Variants in KDM4C observed in about 807,000 individuals in gnomAD.
KDM4C encodes the protein lysine-specific demethylase 4C.
A neutral mutation model predicts 129.3 loss-of-function variants in KDM4C; 81 were observed. The ratio of observed to expected loss-of-function variants is 0.63; its 90% CI spans 0.52 to 0.75. The LOEUF is 0.75. Among genes scored for constraint, KDM4C ranks in the 30% least tolerant of loss-of-function variants. KDM4C has a pLI of 0.00. For synonymous variants in KDM4C, 573 were observed against 456.1 expected (o/e 1.26, Z -3.26); for missense variants, 1,457 against 1,304.0 (o/e 1.12, Z -1.81).
intron 8 of KDM4C, among the ~76,000 whole-genome samples, chr9:6,920,267 G>T (rs985646561): frequency 1.4e-4 from 22 of 152,076 alleles, no homozygotes; most frequent in African/African-American, 5.1e-4. Flanking sequence ...GTCCCATGGG[G>T]TCAGTCTGAA....
intron 5 of KDM4C, among the ~76,000 whole-genome samples, chr9:6,863,789 A>G (rs1338029686): frequency 6.0e-5 from 8 of 133,786 alleles, no homozygotes; most frequent in Non-Finnish European, 9.5e-5. Flanking sequence ...GCGAGACTCC[A>G]TCTCAAAAAA....
chr9:6,829,634 A>G (rs1183168371), intron 4 of KDM4C, among the ~76,000 whole-genome samples: 2 of 152,126 alleles, frequency 1.3e-5, no homozygotes, highest in Admixed American at 1.3e-4. Flanking sequence ...CCCCTTTCCT[A>G]TTCTGTCTCT....
intron 8 of KDM4C, among the ~76,000 whole-genome samples, chr9:6,916,299 A>T (rs1820301666): frequency 6.6e-6 from 1 of 151,984 alleles, no homozygotes; most frequent in Non-Finnish European, 1.5e-5. Context: ...GAGGTTCAAT[A>T]TAAACTTCTG....
At chr9:6,803,484 C>A (rs960546433) in intron 2 of KDM4C, among the ~76,000 whole-genome samples, 1 of 151,088 alleles carries the variant, frequency 6.6e-6, no homozygotes, top group Non-Finnish European at 1.5e-5. Flanking sequence ...GCAGGAGAAT[C>A]GCTTGACCCC....
intron 8 of KDM4C, among the ~76,000 whole-genome samples, chr9:6,915,393 C>G (rs7018886): frequency 6.6e-6 from 1 of 151,930 alleles, no homozygotes; most frequent in African/African-American, 2.4e-5. Context: ...ATCATTTTTG[C>G]TGTATTGTCT....
At chr9:7,138,968 C>G (rs1841486344) in intron 19 of KDM4C, among the ~76,000 whole-genome samples, 1 of 152,088 alleles carries the variant, frequency 6.6e-6, no homozygotes, top group Non-Finnish European at 1.5e-5. Context: ...TTTACTCTTT[C>G]TAGCCTTTAA....
chr9:7,134,931 T>G (rs1841031896), intron 19 of KDM4C, among the ~76,000 whole-genome samples: 1 of 152,226 alleles, frequency 6.6e-6, no homozygotes, highest in Admixed American at 6.5e-5. Flanking sequence ...CTTACAAGTT[T>G]CGTGAACTGT....
intron 15 of KDM4C, among the ~76,000 whole-genome samples, chr9:7,045,586 G>C (rs559243001): frequency 6.6e-6 from 1 of 151,866 alleles, no homozygotes; most frequent in Admixed American, 6.6e-5. Flanking sequence ...AGGCCTCTAG[G>C]ATATGGCTTT....
At chr9:6,811,922 A>T (rs1831223756) in intron 3 of KDM4C, among the ~76,000 whole-genome samples, 3 of 152,188 alleles carry the variant, frequency 2.0e-5, no homozygotes, top group African/African-American at 7.2e-5. Flanking sequence ...AATAGCTGTG[A>T]TTGTCCATTA....
chr9:7,111,835 A>G (rs1564132223), intron 18 of KDM4C, among the ~76,000 whole-genome samples: 1 of 152,182 alleles, frequency 6.6e-6, no homozygotes, highest in Non-Finnish European at 1.5e-5. Context: ...AAAATTTTAA[A>G]AATCTCTCAT....
chr9:6,828,562 C>G (rs778132127), intron 4 of KDM4C, among the ~76,000 whole-genome samples: 2 of 152,066 alleles, frequency 1.3e-5, no homozygotes, highest in Non-Finnish European at 1.5e-5. Flanking sequence ...GATCTTCTGT[C>G]AGACATAGTT....
At chr9:6,760,956 G>A (rs1209894363) in intron 1 of KDM4C, among the ~76,000 whole-genome samples, 1 of 151,648 alleles carries the variant, frequency 6.6e-6, no homozygotes, top group Non-Finnish European at 1.5e-5. Flanking sequence ...TCTCTAAAGT[G>A]GGGCTTTATT....
At chr9:6,965,390 C>T (rs558561483) in intron 8 of KDM4C, among the ~76,000 whole-genome samples, 1 of 151,880 alleles carries the variant, frequency 6.6e-6, no homozygotes, top group East Asian at 1.9e-4. Flanking sequence ...AAAGTGAGGA[C>T]AGTAGTGCTA....
At chr9:7,105,673 G>C (rs748832770) in intron 18 of KDM4C, among the ~76,000 whole-genome samples, 3 of 152,148 alleles carry the variant, frequency 2.0e-5, no homozygotes, top group Non-Finnish European at 2.9e-5. Context: ...TGGTGCTAGA[G>C]GTGTTCATCT....
intron 12 of KDM4C, among the ~76,000 whole-genome samples, chr9:6,993,755 GTATT>G (rs1262644124): frequency 6.6e-6 from 1 of 152,206 alleles, no homozygotes; most frequent in African/African-American, 2.4e-5. Context: ...ATCTGCGGCA[GTATT>G]TCTTTCTTTC....
At chr9:6,812,512 C>G (rs1831343668) in intron 3 of KDM4C, among the ~76,000 whole-genome samples, 1 of 152,134 alleles carries the variant, frequency 6.6e-6, no homozygotes, top group Non-Finnish European at 1.5e-5. Context: ...TACCTCAGAT[C>G]ATCAGACATT....
At chr9:6,929,825 A>T (rs566859006) in intron 8 of KDM4C, among the ~76,000 whole-genome samples, 1 of 152,304 alleles carries the variant, frequency 6.6e-6, no homozygotes, top group South Asian at 2.1e-4. Context: ...AAAAAGTTTG[A>T]AGGCTTCTTT....
chr9:6,788,410 T>C (rs181438743), intron 1 of KDM4C, among the ~76,000 whole-genome samples: 48 of 152,328 alleles, frequency 3.2e-4, no homozygotes, highest in African/African-American at 1.1e-3. Context: ...CTGCCTTCTG[T>C]GTACCAAATG....
chr9:7,053,179 T>C (rs765747001), intron 17 of KDM4C, among the ~76,000 whole-genome samples: 1 of 152,168 alleles, frequency 6.6e-6, no homozygotes, highest in Non-Finnish European at 1.5e-5. Context: ...TTTAAAATGC[T>C]CATTATTAGC....
Sources: allele counts gnomAD v4.1 joint callset (sites outside exome capture counted in the v4.1 genomes callset), GRCh38; gene constraint gnomAD v4.1.1; transcripts MANE v1.5; gene names NCBI Gene and HGNC (gene_info 2026-07-23, HGNC 2026-07-21).